Variants in TMEM50B observed in about 807,000 individuals in gnomAD.
The protein encoded by TMEM50B is transmembrane protein 50B, also known as HCV p7-trans-regulated protein 3.
Under a neutral mutation model 23.4 loss-of-function variants are expected in TMEM50B, and 14 were observed. The ratio of observed to expected loss-of-function variants is 0.60; its 90% CI spans 0.39 to 0.93. The LOEUF (loss-of-function observed/expected upper bound fraction) is 0.93, where lower values mean the gene tolerates loss of function less well. Ranked by LOEUF, TMEM50B falls within the 40% of genes least tolerant of loss-of-function variation. The pLI, the probability that TMEM50B is intolerant of heterozygous loss-of-function variation, is 0.00. For synonymous variants in TMEM50B, 64 were observed against 62.3 expected, an observed-to-expected ratio of 1.03 and a Z score of -0.13; for missense variants, 159 against 193.0, an observed-to-expected ratio of 0.82 and a Z score of 1.04.
chr21:33,470,502 C>A (rs1162032947), intron 1 of TMEM50B, among the ~76,000 whole-genome samples: 21 of 149,298 alleles, frequency 1.4e-4, no homozygotes, highest in African/African-American at 5.2e-4. Context: ...GAGGCCAAGG[C>A]AGGCGGATCA....
At chr21:33,464,275 G>A (rs921537690) in intron 4 of TMEM50B, among the ~76,000 whole-genome samples, 1 of 149,728 alleles carries the variant, frequency 6.7e-6, no homozygotes, top group Non-Finnish European at 1.5e-5. Context: ...TCGGCTCACC[G>A]CAACCTCTGC....
At chr21:33,456,547 T>C (rs1362118808) in intron 5 of TMEM50B, among the ~76,000 whole-genome samples, 1 of 152,246 alleles carries the variant, frequency 6.6e-6, no homozygotes, top group African/African-American at 2.4e-5. Flanking sequence ...ACTACAAATG[T>C]TGATTTAAAA....
chr21:33,432,903 T>C, intron 8 of TMEM50B: 1 of 1,553,502 alleles, frequency 6.4e-7, no homozygotes, highest in East Asian at 2.3e-5. Context: ...TTTTTTTTTT[T>C]GAGACAGGGT....
At chr21:33,468,066 T>TA (rs3057402) in intron 2 of TMEM50B, among the ~76,000 whole-genome samples, 5,463 of 131,414 alleles carry the variant, frequency 0.042, 187 homozygotes, top group Middle Eastern at 0.081. Context: ...CTCGTCTCTT[T>TA]AAAAAAAAAA....
chr21:33,467,599 G>GGA (rs923718205), intron 2 of TMEM50B, among the ~76,000 whole-genome samples: 3 of 151,670 alleles, frequency 2.0e-5, no homozygotes, highest in Non-Finnish European at 4.4e-5. Context: ...ACTCCAGCCT[G>GGA]GACGAAAGAA....
chr21:33,436,936 C>G, intron 8 of TMEM50B: 2 of 1,613,938 alleles, frequency 1.2e-6, no homozygotes, highest in Non-Finnish European at 1.7e-6. Context: ...GGAAAAGGAG[C>G]AAGAAGATGT....
intron 6 of TMEM50B, among the ~76,000 whole-genome samples, chr21:33,454,805 C>T (rs10154248): frequency 0.59 from 89,162 of 151,884 alleles, 28,221 homozygotes; most frequent in East Asian, 0.83. Flanking sequence ...TAAAGCAAGC[C>T]CTAAACTTTA....
downstream of TMEM50B, among the ~76,000 whole-genome samples, chr21:33,446,388 C>A (rs1027874667): frequency 2.0e-5 from 3 of 151,218 alleles, no homozygotes; most frequent in Non-Finnish European, 4.4e-5. Context: ...AGGCATGTAC[C>A]ACCATACTTG....
chr21:33,444,537 C>A (rs1369905444), downstream of TMEM50B, among the ~76,000 whole-genome samples: 3 of 150,238 alleles, frequency 2.0e-5, no homozygotes, highest in Non-Finnish European at 4.4e-5. Flanking sequence ...AGAGCCAGAC[C>A]CTGTCTCAAA....
At chr21:33,433,599 TG>T (rs1228385182) in intron 8 of TMEM50B, among the ~76,000 whole-genome samples, 2 of 151,862 alleles carry the variant, frequency 1.3e-5, no homozygotes, top group East Asian at 3.9e-4. Flanking sequence ...GTGGTTGCGG[TG>T]GTGGAGGGAG....
chr21:33,442,409 C>G (rs9974551), intron 7 of TMEM50B, among the ~76,000 whole-genome samples: 1 of 152,078 alleles, frequency 6.6e-6, no homozygotes, highest in Non-Finnish European at 1.5e-5. Flanking sequence ...GCCTCAGAGC[C>G]ACCCGTTGCT....
In TMEM50B at chr21:33,472,705, C is replaced by T. The variant is rs577030385; in HGVS notation, c.-41-3779G>A. Among the ~76,000 whole-genome samples the T allele has an allele frequency of 3.9e-5, 6 of 151,948 alleles. No homozygotes were observed. The East Asian group carries it at 7.8e-4, about 20-fold the overall frequency. On this transcript the variant is annotated intron_variant, in intron 1 of 6. Transcript: ENST00000542230. ...CAGCCTGGCCAACATGGTGAAACCCCGTCACTACTAAAAATACAAAACTGG... is the reference window on the plus strand; with the variant it reads ...CAGCCTGGCCAACATGGTGAAACCCTGTCACTACTAAAAATACAAAACTGG...
chr21:33,441,736 TCTC>T (rs1460104599), intron 7 of TMEM50B, among the ~76,000 whole-genome samples: 1 of 152,098 alleles, frequency 6.6e-6, no homozygotes, highest in African/African-American at 2.4e-5. Context: ...TTCAAGAAAT[TCTC>T]CTGTCTCAGC....
At chr21:33,442,843 C>T (rs546488696) in intron 7 of TMEM50B, among the ~76,000 whole-genome samples, 53 of 151,968 alleles carry the variant, frequency 3.5e-4, no homozygotes, top group Non-Finnish European at 6.9e-4. Flanking sequence ...ATCGCTTGAA[C>T]CTGGGAGGCG....
chr21:33,464,083 G>C (rs757515350), intron 4 of TMEM50B, among the ~76,000 whole-genome samples: 2 of 152,144 alleles, frequency 1.3e-5, no homozygotes, highest in Non-Finnish European at 2.9e-5. Flanking sequence ...TAAAAGCATG[G>C]GCTCTGGAGC....
chr21:33,464,785 G>A (rs955379022), intron 4 of TMEM50B, among the ~76,000 whole-genome samples: 2 of 107,524 alleles, frequency 1.9e-5, no homozygotes, highest in African/African-American at 3.0e-5. Context: ...GCCTGGGAAA[G>A]AAGAGCTAAA....
chr21:33,465,158 T>C, intron 4 of TMEM50B, 184 bp downstream of exon 4: 1 of 491,838 alleles, frequency 2.0e-6, no homozygotes, highest in East Asian at 3.2e-5. Flanking sequence ...ACAAAAACAG[T>C]AACTTCTAGC....
intron 6 of TMEM50B, among the ~76,000 whole-genome samples, chr21:33,454,367 C>T (rs2084149914): frequency 6.6e-6 from 1 of 152,080 alleles, no homozygotes; most frequent in Admixed American, 6.6e-5. Context: ...GGCACTATCT[C>T]GACTCACTCC....
intron 1 of TMEM50B, chr21:33,479,136 CTGTTT>C (rs1374859249): frequency 1.3e-5 from 3 of 231,986 alleles, no homozygotes; most frequent in African/African-American, 4.6e-5. Context: ...TTCCAACTTA[CTGTTT>C]TAAGTACCTT....
Sources: allele counts gnomAD v4.1 joint callset (sites outside exome capture counted in the v4.1 genomes callset), GRCh38; gene constraint gnomAD v4.1.1; transcripts MANE v1.5; gene names NCBI Gene and HGNC (gene_info 2026-07-23, HGNC 2026-07-21).